IL1RAPL1: variants seen among roughly 807,000 people sequenced by gnomAD.
The protein encoded by IL1RAPL1 is interleukin-1 receptor accessory protein-like 1.
A neutral mutation model predicts 48.4 loss-of-function variants in IL1RAPL1; 3 were observed. The observed-to-expected ratio is 0.06, with a 90% CI of 0.03 to 0.16. The LOEUF is 0.16. IL1RAPL1 is among the 10% of genes least tolerant of loss of function. The pLI, the probability that IL1RAPL1 is intolerant of heterozygous loss-of-function variation, is 1.00. For missense variants in IL1RAPL1, 349 were observed against 530.6 expected (o/e 0.66, Z 3.36); for synonymous variants, 185 against 187.7 (o/e 0.99, Z 0.12).
chrX:29,865,468 T>C (rs1056331396), intron 6 of IL1RAPL1, among the ~76,000 whole-genome samples: 6 of 111,159 alleles, frequency 5.4e-5, no homozygotes, highest in Non-Finnish European at 7.5e-5. Context: ...TTGTCTGTTC[T>C]CATTTTGTGT....
At chrX:28,671,793 A>G (rs956879378) in intron 1 of IL1RAPL1, among the ~76,000 whole-genome samples, 2 of 112,071 alleles carry the variant, frequency 1.8e-5, no homozygotes, top group Non-Finnish European at 3.8e-5. Context: ...AATATGATTG[A>G]AACCAGTAGG....
chrX:28,723,290 A>G (rs1383433491), intron 1 of IL1RAPL1, among the ~76,000 whole-genome samples: 2 of 110,924 alleles, frequency 1.8e-5, no homozygotes, highest in East Asian at 2.8e-4. Context: ...TGGTCTATTC[A>G]GGGATTCAAC....
chrX:29,783,732 CTAT>C (rs1477088471), intron 6 of IL1RAPL1, among the ~76,000 whole-genome samples: 1 of 111,834 alleles, frequency 8.9e-6, no homozygotes, highest in Non-Finnish European at 1.9e-5. Flanking sequence ...GTGATCACTG[CTAT>C]TATTGTTATT....
chrX:29,834,477 TGTGA>T (rs1427951096), intron 6 of IL1RAPL1, among the ~76,000 whole-genome samples: 2 of 107,288 alleles, frequency 1.9e-5, no homozygotes. Flanking sequence ...GCCAAGAGGC[TGTGA>T]AAGAAAAAGG....
Position 29,274,979 on chromosome X carries a change from T to G in IL1RAPL1, c.83-7959T>G, listed in dbSNP as rs181821318. Among the ~76,000 whole-genome samples, 43 of 110,385 alleles carry G rather than the reference T, an allele frequency of 3.9e-4. No homozygotes were observed. The East Asian group carries it at 9.6e-3, about 25-fold the overall frequency. ...CTTTGCTACTTCTTTTTTTTTTTTGTAACCTCTATTTTAAGAACTTTCTGA... is the reference window on the plus strand; with the variant it reads ...CTTTGCTACTTCTTTTTTTTTTTTGGAACCTCTATTTTAAGAACTTTCTGA... On this transcript the variant is annotated intron_variant, in intron 2 of 10. Transcript: ENST00000378993.
chrX:29,415,097 A>T (rs891828128), intron 5 of IL1RAPL1, among the ~76,000 whole-genome samples: 27 of 112,021 alleles, frequency 2.4e-4, no homozygotes, highest in African/African-American at 8.4e-4. Flanking sequence ...AGATTCCAAC[A>T]TATTTTATGA....
intron 2 of IL1RAPL1, among the ~76,000 whole-genome samples, chrX:29,074,933 T>A (rs1927637959): frequency 8.9e-6 from 1 of 112,119 alleles, no homozygotes. Context: ...TATAAAAAAA[T>A]TAGAGTAGTT....
chrX:29,873,190 G>A (rs1931832980), intron 6 of IL1RAPL1, among the ~76,000 whole-genome samples: 1 of 110,477 alleles, frequency 9.1e-6, no homozygotes, highest in Non-Finnish European at 1.9e-5. Context: ...CTTTAAATAG[G>A]CTGTCTCTCT....
At chrX:28,604,192 T>A (rs753014908) in intron 1 of IL1RAPL1, among the ~76,000 whole-genome samples, 1 of 111,883 alleles carries the variant, frequency 8.9e-6, no homozygotes, top group Non-Finnish European at 1.9e-5. Context: ...GAAGAAGCTT[T>A]AAAAAAACAC....
At chrX:29,691,286 C>T (rs1402759805) in intron 6 of IL1RAPL1, among the ~76,000 whole-genome samples, 1 of 111,602 alleles carries the variant, frequency 9.0e-6, no homozygotes. Context: ...ACTGAAATGG[C>T]CACATAATGC....
intron 2 of IL1RAPL1, among the ~76,000 whole-genome samples, chrX:29,270,892 ATG>A (rs761818428): frequency 1.8e-5 from 2 of 111,622 alleles, no homozygotes; most frequent in African/African-American, 6.5e-5. Context: ...TCAGGGTTAC[ATG>A]TGCAGCTTTG....
intron 2 of IL1RAPL1, among the ~76,000 whole-genome samples, chrX:29,133,075 A>G (rs183528849): frequency 2.2e-3 from 243 of 111,415 alleles, no homozygotes; most frequent in Non-Finnish European, 3.7e-3. Context: ...TGTAATGAGC[A>G]TACATTTTTG....
At chrX:29,123,004 G>T (rs1602067253) in intron 2 of IL1RAPL1, among the ~76,000 whole-genome samples, 1 of 83,769 alleles carries the variant, frequency 1.2e-5, no homozygotes, top group Middle Eastern at 6.5e-3. Flanking sequence ...AGAATAGCAC[G>T]TTTTATTTAT....
chrX:29,209,967 A>T (rs1436315639), intron 2 of IL1RAPL1, among the ~76,000 whole-genome samples: 2 of 111,625 alleles, frequency 1.8e-5, no homozygotes, highest in Non-Finnish European at 3.8e-5. Context: ...GACCATTTTA[A>T]ATGGCTCAGA....
At chrX:29,112,644 C>T (rs923501736) in intron 2 of IL1RAPL1, among the ~76,000 whole-genome samples, 4 of 110,503 alleles carry the variant, frequency 3.6e-5, no homozygotes, top group Admixed American at 9.7e-5. Context: ...TACAGTGTGA[C>T]TGGTTTTAGT....
At chrX:29,000,342 T>A (rs1925822112) in intron 2 of IL1RAPL1, among the ~76,000 whole-genome samples, 1 of 111,692 alleles carries the variant, frequency 9.0e-6, no homozygotes, top group Non-Finnish European at 1.9e-5. Context: ...TGCAAATTAC[T>A]ATTCTTTTTC....
At chrX:28,790,989 C>G (rs1011499399) in intron 2 of IL1RAPL1, among the ~76,000 whole-genome samples, 2 of 111,552 alleles carry the variant, frequency 1.8e-5, no homozygotes, top group African/African-American at 6.5e-5. Context: ...GAGAAACACT[C>G]ATTTGTGTAA....
At chrX:29,902,255 A>T (rs1932509864) in intron 6 of IL1RAPL1, among the ~76,000 whole-genome samples, 1 of 110,961 alleles carries the variant, frequency 9.0e-6, no homozygotes, top group South Asian at 3.9e-4. Flanking sequence ...CTGGGTGTTA[A>T]ATGTTTGATG....
At chrX:28,977,399 A>C (rs1305466538) in intron 2 of IL1RAPL1, among the ~76,000 whole-genome samples, 2 of 111,385 alleles carry the variant, frequency 1.8e-5, no homozygotes. Flanking sequence ...AGTGGGGAGG[A>C]GCCACACACT....
Sources: gnomAD v4.1 joint callset for allele counts (sites outside exome capture counted in the v4.1 genomes callset) on GRCh38, gnomAD v4.1.1 for gene constraint, MANE v1.5 for transcripts, NCBI Gene and HGNC (gene_info 2026-07-23, HGNC 2026-07-21) for gene names.